Variants in MAGI2 observed in about 807,000 individuals in gnomAD.
The protein encoded by MAGI2 is membrane associated guanylate kinase, WW and PDZ domain containing 2.
A neutral mutation model predicts 133.3 loss-of-function variants in MAGI2; 35 were observed. The ratio of observed to expected loss-of-function variants is 0.26; its 90% confidence interval spans 0.20 to 0.35. The LOEUF is 0.35. Ranked by LOEUF, MAGI2 falls within the 10% of genes least tolerant of loss-of-function variation. The pLI is 1.00. For synonymous variants in MAGI2, 729 were observed against 710.6 expected, an observed-to-expected ratio of 1.03 and a Z score of -0.41; for missense variants, 1,636 against 1,863.4, an observed-to-expected ratio of 0.88 and a Z score of 2.25.
chr7:78,237,134 T>C (rs1450963848), intron 10 of MAGI2, among the ~76,000 whole-genome samples: 1 of 152,138 alleles, frequency 6.6e-6, no homozygotes, highest in Non-Finnish European at 1.5e-5. Context: ...TACACATAGA[T>C]TTACCATCTG....
rs190833483 is a variant in MAGI2, at chr7:78,549,345, T to C, written c.539-27700A>G. ...TAGTGGATCAAGACAAAAGTAAGAC[T>C]GCCTTCTTTTGCATATTTCCCAACT... On this transcript the variant is annotated intron_variant, in intron 3 of 21. Coordinates refer to ENST00000354212, the MANE Select transcript of MAGI2 (RefSeq NM_012301.4). Among the ~76,000 whole-genome samples the C allele has an allele frequency of 8.5e-5, 13 of 152,064 alleles. No homozygotes were observed. In the East Asian group the frequency reaches 1.5e-3, roughly 18 times the overall value.
At chr7:79,194,724 C>A (rs1241526690) in intron 1 of MAGI2, among the ~76,000 whole-genome samples, 2 of 151,444 alleles carry the variant, frequency 1.3e-5, no homozygotes, top group Non-Finnish European at 2.9e-5. Flanking sequence ...GTGAAATCTT[C>A]CCTGAGCTTT....
At chr7:78,535,253 T>A (rs920706902) in intron 3 of MAGI2, among the ~76,000 whole-genome samples, 1 of 152,146 alleles carries the variant, frequency 6.6e-6, no homozygotes, top group Non-Finnish European at 1.5e-5. Flanking sequence ...GGAGAAATAA[T>A]AGTAACTTGG....
chr7:78,189,099 G>C (rs1015483816), intron 12 of MAGI2, among the ~76,000 whole-genome samples: 1 of 152,148 alleles, frequency 6.6e-6, no homozygotes, highest in African/African-American at 2.4e-5. Flanking sequence ...CTAATAACAA[G>C]GAAAGAGCAG....
intron 1 of MAGI2, among the ~76,000 whole-genome samples, chr7:79,200,142 A>G (rs897419943): frequency 6.6e-6 from 1 of 151,896 alleles, no homozygotes; most frequent in African/African-American, 2.4e-5. Flanking sequence ...AGATTCAGAC[A>G]AGTGGTTTAT....
chr7:79,157,722 A>G lies in MAGI2; in HGVS notation c.302-150516T>C, dbSNP rs368835557. ...TTTGTGCACATTTACATTAAGGTAA[A>G]GAGCCCTAAGTTTGACTTGCCAACT... On this transcript the variant is annotated intron_variant, in intron 1 of 21. Coordinates refer to ENST00000354212, the MANE Select transcript of MAGI2 (RefSeq NM_012301.4). 2.6e-5 allele frequency among the ~76,000 whole-genome samples: 4 copies of G among 152,180 alleles called. 1 individual carries two copies. Among genetic ancestry groups the G allele is most frequent in the Admixed American group, 1.3e-4 (2 of 15,238 alleles).
Position 78,601,580 on chromosome 7 carries a change from C to T in MAGI2, c.538+25540G>A, listed in dbSNP as rs570558003. Among the ~76,000 whole-genome samples, 44 of 152,106 alleles carry T rather than the reference C, an allele frequency of 2.9e-4. No homozygotes were observed. In the South Asian group the frequency reaches 7.3e-3, roughly 25 times the overall value. On this transcript the variant is annotated intron_variant, in intron 3 of 21. Transcript: ENST00000354212. ...AAATCCTGTTTCCTTTCAGTATTTA[C>T]GGGCATTTTTATAAGGTACTCAAAT...
At chr7:78,483,938 G>A (rs1412326338) in intron 6 of MAGI2, among the ~76,000 whole-genome samples, 1 of 151,814 alleles carries the variant, frequency 6.6e-6, no homozygotes, top group African/African-American at 2.4e-5. Flanking sequence ...AGATTCCAAG[G>A]TGCTTTGCAA....
intron 1 of MAGI2, among the ~76,000 whole-genome samples, chr7:79,257,059 C>T (rs941085128): frequency 4.6e-5 from 7 of 152,038 alleles, no homozygotes; most frequent in Admixed American, 6.6e-5. Context: ...AAAAACCATA[C>T]TTTATGATGT....
chr7:79,015,661 G>T (rs996213783), intron 1 of MAGI2, among the ~76,000 whole-genome samples: 1 of 152,080 alleles, frequency 6.6e-6, no homozygotes, highest in Non-Finnish European at 1.5e-5. Context: ...TGCGGAATGT[G>T]TCCCAAAGGT....
chr7:78,084,586 G>C (rs1302011328), intron 20 of MAGI2, among the ~76,000 whole-genome samples: 5 of 152,210 alleles, frequency 3.3e-5, no homozygotes. Flanking sequence ...ACTTACAGGA[G>C]ACCAAATGAG....
intron 2 of MAGI2, among the ~76,000 whole-genome samples, chr7:78,650,755 T>C (rs1811476788): frequency 6.6e-6 from 1 of 152,146 alleles, no homozygotes; most frequent in Non-Finnish European, 1.5e-5. Context: ...ATTAATCATT[T>C]CAAACACAAT....
At chr7:78,643,172 C>T (rs1810489792) in intron 2 of MAGI2, among the ~76,000 whole-genome samples, 1 of 152,074 alleles carries the variant, frequency 6.6e-6, no homozygotes, top group Non-Finnish European at 1.5e-5. Context: ...TATGGAGAAG[C>T]AGAGGGAAGT....
Position 78,019,465 on chromosome 7 carries a change from C to G in MAGI2, c.4218G>C (p.Ala1406=). 1.0e-6 allele frequency: 1 copy of G among 981,038 alleles called. No individual in the cohort carries two copies. Among genetic ancestry groups the G allele is most frequent in the Non-Finnish European group, 1.2e-6 (1 of 828,706 alleles). 60.8% of individuals were successfully genotyped at this position (981,038 alleles called of 1,614,324 possible). Residue 1406 remains alanine, a synonymous_variant, in exon 22 of 22, where the codon GCG becomes GCC. Coordinates refer to ENST00000354212, the MANE Select transcript of MAGI2 (RefSeq NM_012301.4). The part of the protein sequence containing the change: ...GSGALEAEGR[A]GARAGPRPGP... ...CCGGCCGGGGACCCGCGCGCGCACC[C>G]GCCCTGCCCTCGGCCTCCAGCGCGC...
At chr7:78,367,100 AACAC>A (rs6150177) in intron 7 of MAGI2, among the ~76,000 whole-genome samples, 6 of 146,888 alleles carry the variant, frequency 4.1e-5, no homozygotes, top group Non-Finnish European at 6.0e-5. Flanking sequence ...AATGTAGGCA[AACAC>A]ACACACACAC....
At chr7:79,350,711 A>G (rs1841629297) in intron 1 of MAGI2, among the ~76,000 whole-genome samples, 1 of 152,144 alleles carries the variant, frequency 6.6e-6, no homozygotes, top group South Asian at 2.1e-4. Flanking sequence ...GGAAGATTCA[A>G]GGATATGGAT....
chr7:78,597,872 C>T (rs113205663), intron 3 of MAGI2, among the ~76,000 whole-genome samples: 1,912 of 46,186 alleles, frequency 0.041, 36 homozygotes, highest in African/African-American at 0.3. Context: ...TTTTTTTTTT[C>T]CCCATAGAGT....
chr7:78,857,944 T>C (rs532576455), intron 2 of MAGI2, among the ~76,000 whole-genome samples: 2 of 152,366 alleles, frequency 1.3e-5, no homozygotes, highest in African/African-American at 4.8e-5. Context: ...GTTATTGATC[T>C]AGTCAGCGAT....
At chr7:78,320,428 T>G (rs540323969) in intron 9 of MAGI2, among the ~76,000 whole-genome samples, 1 of 152,288 alleles carries the variant, frequency 6.6e-6, no homozygotes, top group South Asian at 2.1e-4. Flanking sequence ...TCCACCATGA[T>G]TAAGTCGGCT....
Sources: allele counts gnomAD v4.1 joint callset (sites outside exome capture counted in the v4.1 genomes callset), GRCh38; gene constraint gnomAD v4.1.1; transcripts MANE v1.5; gene names NCBI Gene and HGNC (gene_info 2026-07-23, HGNC 2026-07-21).